ARB2A: variants seen among roughly 807,000 people sequenced by gnomAD.
ARB2A encodes cotranscriptional regulator ARB2A.
At chr5:93,955,680 C>T in the ARB2A span, among the ~76,000 whole-genome samples, 4 of 152,194 alleles carry the variant, frequency 2.6e-5, no homozygotes, top group Non-Finnish European at 4.4e-5. Context: ...CTTGTTTTCA[C>T]AAATATAACT....
chr5:93,981,152 T>G, the ARB2A span, among the ~76,000 whole-genome samples: 1 of 151,754 alleles, frequency 6.6e-6, no homozygotes, highest in Non-Finnish European at 1.5e-5. Flanking sequence ...CACTGTAGCC[T>G]TGACCTCTGG....
At chr5:93,971,406 A>T in the ARB2A span, among the ~76,000 whole-genome samples, 2 of 151,938 alleles carry the variant, frequency 1.3e-5, no homozygotes, top group South Asian at 4.2e-4. Flanking sequence ...TGTCTCTACT[A>T]AAAATACAAA....
At chr5:93,673,014 C>T in the ARB2A span, among the ~76,000 whole-genome samples, 1 of 152,120 alleles carries the variant, frequency 6.6e-6, no homozygotes, top group African/African-American at 2.4e-5. Context: ...ACACATGAAA[C>T]ATAATTGTCT....
At chr5:93,766,517 A>T in the ARB2A span, among the ~76,000 whole-genome samples, 2 of 152,170 alleles carry the variant, frequency 1.3e-5, no homozygotes, top group Admixed American at 6.5e-5. Flanking sequence ...TAGAATGGCA[A>T]TCATTAAAAA....
At chr5:93,850,808 T>G in the ARB2A span, among the ~76,000 whole-genome samples, 1 of 152,194 alleles carries the variant, frequency 6.6e-6, no homozygotes, top group Non-Finnish European at 1.5e-5. Flanking sequence ...ATACTGTAAC[T>G]AACTCAGCAA....
the ARB2A span, among the ~76,000 whole-genome samples, chr5:94,061,189 G>C: frequency 1.3e-5 from 2 of 152,094 alleles, no homozygotes; most frequent in African/African-American, 4.8e-5. Flanking sequence ...AATGAGCCAA[G>C]ACTGCGCCAC....
At chr5:93,709,932 A>G in the ARB2A span, among the ~76,000 whole-genome samples, 1 of 152,330 alleles carries the variant, frequency 6.6e-6, no homozygotes, top group African/African-American at 2.4e-5. Flanking sequence ...AACTAAAGCT[A>G]TAATTAAATG....
At chr5:93,752,779 C>A in the ARB2A span, among the ~76,000 whole-genome samples, 3 of 151,866 alleles carry the variant, frequency 2.0e-5, no homozygotes, top group Non-Finnish European at 4.4e-5. Context: ...TCTGAGAGTT[C>A]CTGATTTCAA....
chr5:93,947,237 T>C, the ARB2A span, among the ~76,000 whole-genome samples: 2 of 152,164 alleles, frequency 1.3e-5, no homozygotes, highest in Non-Finnish European at 2.9e-5. Flanking sequence ...AAAGGTTTCA[T>C]TGGTCCAGAA....
chr5:93,866,588 T>C, the ARB2A span, among the ~76,000 whole-genome samples: 3 of 152,166 alleles, frequency 2.0e-5, no homozygotes, highest in Non-Finnish European at 4.4e-5. Flanking sequence ...CAAAGCCAGA[T>C]TGAAAAGTAG....
chr5:94,061,131 A>G, the ARB2A span, among the ~76,000 whole-genome samples: 1 of 152,050 alleles, frequency 6.6e-6, no homozygotes, highest in African/African-American at 2.4e-5. Context: ...CCAGCTACTC[A>G]GGAGGCTGAG....
the ARB2A span, among the ~76,000 whole-genome samples, chr5:93,801,865 A>C: frequency 6.6e-6 from 1 of 152,282 alleles, no homozygotes; most frequent in African/African-American, 2.4e-5. Flanking sequence ...GAATGGCTAA[A>C]GTGGAATGGC....
the ARB2A span, among the ~76,000 whole-genome samples, chr5:94,065,411 G>A: frequency 5.3e-5 from 8 of 152,184 alleles, no homozygotes; most frequent in Non-Finnish European, 5.9e-5. Context: ...ATACTCAAGA[G>A]GCTGAGGTGG....
the ARB2A span, among the ~76,000 whole-genome samples, chr5:94,035,740 G>A: frequency 6.6e-6 from 1 of 152,066 alleles, no homozygotes; most frequent in Admixed American, 6.6e-5. Context: ...ATCATTCTCA[G>A]CAAACTAACA....
chr5:93,738,893 T>C, the ARB2A span: 1 of 152,222 alleles, frequency 6.6e-6, no homozygotes, highest in African/African-American at 2.4e-5. Context: ...GTGAATGTAA[T>C]TAATGTCACT....
the ARB2A span, among the ~76,000 whole-genome samples, chr5:93,937,559 C>G: frequency 6.6e-6 from 1 of 151,910 alleles, no homozygotes; most frequent in South Asian, 2.1e-4. Context: ...TTGCAGTGAG[C>G]CGAGATTGCG....
At chr5:93,754,079 T>C in the ARB2A span, among the ~76,000 whole-genome samples, 2 of 152,198 alleles carry the variant, frequency 1.3e-5, no homozygotes, top group African/African-American at 4.8e-5. Flanking sequence ...TACTTTCCTA[T>C]AGCCACTTTA....
the ARB2A span, among the ~76,000 whole-genome samples, chr5:93,780,481 T>C: frequency 6.6e-6 from 1 of 152,162 alleles, no homozygotes; most frequent in Non-Finnish European, 1.5e-5. Context: ...TTGGAGTAAT[T>C]GCTCAAAGTA....
chr5:93,898,100 T>G, the ARB2A span, among the ~76,000 whole-genome samples: 3 of 152,044 alleles, frequency 2.0e-5, no homozygotes, highest in Non-Finnish European at 1.5e-5. Context: ...CTCCTACCCC[T>G]GACAATTTTA....
Sources: allele counts gnomAD v4.1 joint callset (sites outside exome capture counted in the v4.1 genomes callset), GRCh38; gene constraint gnomAD v4.1.1; transcripts MANE v1.5; gene names NCBI Gene and HGNC (gene_info 2026-07-23, HGNC 2026-07-21).